The following RNF17 variants were observed in gnomAD, a reference collection of about 807,000 sequenced individuals.
RNF17 encodes the protein ring finger protein 17, also known as spermatogenesis associated 23.
A neutral mutation model predicts 200.5 loss-of-function variants in RNF17; 31 were observed. The ratio of observed to expected loss-of-function variants is 0.15; its 90% CI spans 0.12 to 0.21. RNF17 has a LOEUF of 0.21. RNF17 is among the 10% of genes least tolerant of loss of function. The pLI is 1.00. For synonymous variants in RNF17, 606 were observed against 637.8 expected (o/e 0.95, Z 0.75); for missense variants, 1,628 against 1,905.1 (o/e 0.85, Z 2.71).
chr13:24,878,334 T>C (rs1895079904), intron 34 of RNF17, among the ~76,000 whole-genome samples: 1 of 152,218 alleles, frequency 6.6e-6, no homozygotes, highest in Non-Finnish European at 1.5e-5. Context: ...TTCTTATAGA[T>C]AGGTATTTTT....
At chr13:24,881,850 A>G (rs1449502131), downstream of RNF17, among the ~76,000 whole-genome samples, 1 of 120,740 alleles carries the variant, frequency 8.3e-6, no homozygotes, top group Non-Finnish European at 1.8e-5. Context: ...ATATAGATAC[A>G]TCTATATAGA....
intron 16 of RNF17, among the ~76,000 whole-genome samples, chr13:24,826,909 A>C (rs959203512): frequency 6.6e-6 from 1 of 151,558 alleles, no homozygotes; most frequent in Non-Finnish European, 1.5e-5. Context: ...AAAAATAAAA[A>C]ATTAGCTGGG....
At chr13:24,815,383 T>A (rs1887252267) in intron 15 of RNF17, among the ~76,000 whole-genome samples, 1 of 151,844 alleles carries the variant, frequency 6.6e-6, no homozygotes, top group South Asian at 2.1e-4. Flanking sequence ...ACATGTGAAT[T>A]TTGTGTCTAG....
rs1268637729 is a variant in RNF17 at position 24,812,101 on chromosome 13, C to T, written c.2091+7672C>T. Reference sequence around the variant, plus strand: ...AGGTTACTGCTGTCTTTTTGTTTGTCTGTGCCCTGCCCCCAGAGGTGGAGC... The same window carrying T: ...AGGTTACTGCTGTCTTTTTGTTTGTTTGTGCCCTGCCCCCAGAGGTGGAGC... On this transcript the variant is annotated intron_variant, in intron 15 of 35. Coordinates refer to ENST00000255324, the MANE Select transcript of RNF17 (RefSeq NM_031277.3). Among the ~76,000 whole-genome samples the T allele has an allele frequency of 8.1e-5, 12 of 148,730 alleles. No homozygotes were observed. The South Asian group carries it at 1.5e-3, about 19-fold the overall frequency.
At chr13:24,834,944 A>G (rs1423366313) in intron 18 of RNF17, among the ~76,000 whole-genome samples, 3 of 152,082 alleles carry the variant, frequency 2.0e-5, no homozygotes, top group Non-Finnish European at 4.4e-5. Flanking sequence ...TCAAATCCAT[A>G]TTGCTCTCCA....
At chr13:24,749,307 C>CTTTTTTTTTTTTTTTTTTTT in the RNF17 span, among the ~76,000 whole-genome samples, 24 of 108,032 alleles carry the variant, frequency 2.2e-4, 2 homozygotes, top group East Asian at 6.6e-4. Context: ...TTCTTTCTTT[C>CTTTTTTTTTTTTTTTTTTTT]TTTTTTTTTT....
upstream of RNF17, among the ~76,000 whole-genome samples, chr13:24,760,260 A>G (rs1033205078): frequency 6.6e-6 from 1 of 152,236 alleles, no homozygotes; most frequent in African/African-American, 2.4e-5. Context: ...TCTGAGAAAA[A>G]TGATTATGAT....
chr13:24,882,180 CTATATAGA>C (rs1441930047), downstream of RNF17: 3 of 2,884 alleles, frequency 1.0e-3, 1 homozygote, highest in African/African-American at 1.5e-3. Flanking sequence ...ATAGATACAT[CTATATAGA>C]TATATAGATA....
intron 23 of RNF17, 32 bp downstream of exon 23, chr13:24,850,475 T>A (rs1891758520): frequency 1.5e-6 from 2 of 1,298,456 alleles, no homozygotes; most frequent in Admixed American, 1.7e-5. Flanking sequence ...GTGCTGATGA[T>A]CTCATTAATG....
chr13:24,837,055 A>C (rs1890076642), intron 18 of RNF17, among the ~76,000 whole-genome samples: 1 of 152,210 alleles, frequency 6.6e-6, no homozygotes, highest in Non-Finnish European at 1.5e-5. Flanking sequence ...GATGGACACC[A>C]AAAACGAGCA....
At chr13:24,826,205 T>C in intron 16 of RNF17, 1 of 495,092 alleles carries the variant, frequency 2.0e-6, no homozygotes, top group Non-Finnish European at 2.6e-6. Flanking sequence ...TCTCGATATA[T>C]TTTTTCTACT....
the RNF17 span, among the ~76,000 whole-genome samples, chr13:24,757,617 C>G: frequency 6.6e-6 from 1 of 152,112 alleles, no homozygotes; most frequent in African/African-American, 2.4e-5. Context: ...AGCCACTGTG[C>G]CTGGCCGACA....
In RNF17 at chr13:24,764,199, C is replaced by G. The variant is rs1332979493; in HGVS notation, c.-5C>G. The G allele has an allele frequency of 6.3e-7, 1 of 1,582,710 alleles. No individual in the cohort carries two copies. Among genetic ancestry groups the G allele is most frequent in the African/African-American group, 1.3e-5 (1 of 74,444 alleles). On this transcript the variant is annotated 5_prime_UTR_variant, in exon 1 of 36. Coordinates refer to ENST00000255324, the MANE Select transcript of RNF17 (RefSeq NM_031277.3). ...CGGCGGTTGTTCCAGAAGAAAGAGA[C>G]AGCGATGGCGGCAGAGGCTTCGAAG...
rs545398247 is a variant in RNF17, at chr13:24,780,645, G to A, written c.510+898G>A. On this transcript the variant is annotated intron_variant, in intron 5 of 35. Transcript: ENST00000255324. ...GCCTGTGATCCCAGCACTTTGGGAG[G>A]CCAGGGCAGGTGGATCACTTGAGGT... Among the ~76,000 whole-genome samples, 5 of 152,304 alleles carry A rather than the reference G, an allele frequency of 3.3e-5. No homozygotes were observed. In the South Asian group the frequency reaches 8.3e-4, roughly 25 times the overall value.
chr13:24,812,364 G>C (rs540228801), intron 15 of RNF17, among the ~76,000 whole-genome samples: 1 of 151,938 alleles, frequency 6.6e-6, no homozygotes, highest in African/African-American at 2.4e-5. Context: ...TTTTAAGCCG[G>C]TCGGAAAAGT....
rs1314380078 is a variant in RNF17 at position 24,766,002 on chromosome 13, C to A, written c.131-1270C>A. Among the ~76,000 whole-genome samples the A allele has an allele frequency of 4.6e-5, 7 of 152,216 alleles. 1 individual carries two copies. The highest frequency in any genetic ancestry group is 4.6e-4 in the Admixed American group (7 of 15,288). ...CAGCACTTTGGGAGGCCGAGGTGGG[C>A]GGATCACTTGAGGTCGGGAGATCAA... is the stretch of plus-strand genomic sequence containing the variant. On this transcript the variant is annotated intron_variant, in intron 1 of 35. Coordinates refer to ENST00000255324, the MANE Select transcript of RNF17 (RefSeq NM_031277.3).
At chr13:24,753,451 T>A in the RNF17 span, among the ~76,000 whole-genome samples, 1 of 152,254 alleles carries the variant, frequency 6.6e-6, no homozygotes, top group Non-Finnish European at 1.5e-5. Flanking sequence ...AGCCAGTTAG[T>A]GCTTGGGGAG....
At chr13:24,851,695 G>T in intron 24 of RNF17, 124 bp downstream of exon 24, 1 of 608,564 alleles carries the variant, frequency 1.6e-6, no homozygotes, top group South Asian at 2.2e-5. Flanking sequence ...TTTATAAGCT[G>T]ACCCTGAGGA....
At position 24,870,584 on chromosome 13, in the gene RNF17, T is replaced by C; in HGVS notation, c.4292T>C (p.Leu1431Pro). ...CTCCCCACTTAGGTGTATATTTGCC[T>C]TGATTCTATAGAAACTTCTAACCAG... Reference protein sequence around the residue: ...VVSPNEVYICLDSIETSNQSN... With the variant: ...VVSPNEVYICPDSIETSNQSN... Residue 1431 changes from leucine to proline, a missense_variant, in exon 32 of 36, where the codon CTT becomes CCT. Leu to Pro is a moderately conservative substitution (Grantham distance 98). Around this residue, in one of 5 missense-constraint regions of RNF17, gnomAD observed 609 missense variants for 681.9 expected, o/e 0.89. Transcript: ENST00000255324. 1 of 1,612,998 alleles carries C rather than the reference T, an allele frequency of 6.2e-7. No homozygotes were observed. The highest frequency in any genetic ancestry group is 2.2e-5 in the East Asian group (1 of 44,874).
Sources: gnomAD v4.1 joint callset for allele counts (sites outside exome capture counted in the v4.1 genomes callset) on GRCh38, gnomAD v4.1.1 for gene constraint, gnomAD v4.1.1 regional missense constraint, MANE v1.5 for transcripts, NCBI Gene and HGNC (gene_info 2026-07-23, HGNC 2026-07-21) for gene names.